The following HS3ST2 variants were observed in gnomAD, a reference collection of about 807,000 sequenced individuals.
The protein encoded by HS3ST2 is heparan sulfate glucosamine 3-O-sulfotransferase 2.
A neutral mutation model predicts 26.3 loss-of-function variants in HS3ST2; 17 were observed. The observed-to-expected ratio is 0.65, with a 90% CI of 0.44 to 0.97. HS3ST2 has a LOEUF of 0.97. Among genes scored for constraint, HS3ST2 ranks in the 50% least tolerant of loss-of-function variants. The pLI is 0.00. For synonymous variants in HS3ST2, 237 were observed against 219.2 expected, an observed-to-expected ratio of 1.08 and a Z score of -0.72; for missense variants, 402 against 501.2, an observed-to-expected ratio of 0.80 and a Z score of 1.89.
chr16:22,904,577 G>A (rs559747763), intron 1 of HS3ST2, among the ~76,000 whole-genome samples: 11 of 152,320 alleles, frequency 7.2e-5, no homozygotes, highest in African/African-American at 2.2e-4. Flanking sequence ...TGGAGGTGAC[G>A]ATGAGCTGAG....
chr16:22,846,062 G>C (rs1901426905), intron 1 of HS3ST2, among the ~76,000 whole-genome samples: 1 of 152,168 alleles, frequency 6.6e-6, no homozygotes, highest in Admixed American at 6.5e-5. Flanking sequence ...TGGATCACCT[G>C]AGGTCAGGAG....
At chr16:22,877,853 C>T (rs1202408983) in intron 1 of HS3ST2, among the ~76,000 whole-genome samples, 3 of 152,124 alleles carry the variant, frequency 2.0e-5, no homozygotes, top group East Asian at 1.9e-4. Flanking sequence ...ACGGGTATTA[C>T]AAGGTATTCA....
At chr16:22,893,502 G>T (rs1195279436) in intron 1 of HS3ST2, among the ~76,000 whole-genome samples, 1 of 151,896 alleles carries the variant, frequency 6.6e-6, no homozygotes, top group Non-Finnish European at 1.5e-5. Flanking sequence ...TTTACTAAGT[G>T]CTTTTTCAGA....
At chr16:22,872,245 T>C (rs1265611771) in intron 1 of HS3ST2, among the ~76,000 whole-genome samples, 1 of 152,218 alleles carries the variant, frequency 6.6e-6, no homozygotes, top group East Asian at 1.9e-4. Flanking sequence ...GCCTTTCTCT[T>C]CTCATATCAA....
chr16:22,911,776 CCTTAA>C (rs1244094227), intron 1 of HS3ST2, among the ~76,000 whole-genome samples: 5 of 152,148 alleles, frequency 3.3e-5, no homozygotes, highest in South Asian at 2.1e-4. Flanking sequence ...ATATGCAAGT[CCTTAA>C]CTTAATTACA....
At chr16:22,825,965 G>A (rs1228840523) in intron 1 of HS3ST2, among the ~76,000 whole-genome samples, 2 of 152,168 alleles carry the variant, frequency 1.3e-5, no homozygotes, top group African/African-American at 4.8e-5. Flanking sequence ...AGAGGTTGCA[G>A]TGAGCCGAAA....
chr16:22,871,348 C>T (rs1358779254), intron 1 of HS3ST2, among the ~76,000 whole-genome samples: 9 of 117,166 alleles, frequency 7.7e-5, no homozygotes, highest in Non-Finnish European at 1.5e-4. Context: ...GAGCGACACT[C>T]TGTTTCAAAA....
intron 1 of HS3ST2, among the ~76,000 whole-genome samples, chr16:22,854,074 G>A (rs2141186716): frequency 6.6e-6 from 1 of 152,314 alleles, no homozygotes; most frequent in East Asian, 1.9e-4. Context: ...TGTAGAATGT[G>A]GGTATTGAAC....
chr16:22,830,497 G>C (rs1901153146), intron 1 of HS3ST2, among the ~76,000 whole-genome samples: 1 of 152,208 alleles, frequency 6.6e-6, no homozygotes, highest in African/African-American at 2.4e-5. Context: ...GGAACATTGG[G>C]ATGGTGGGAC....
chr16:22,835,372 A>G (rs541810902), intron 1 of HS3ST2, among the ~76,000 whole-genome samples: 36 of 152,276 alleles, frequency 2.4e-4, no homozygotes, highest in African/African-American at 7.9e-4. Context: ...AGAGTAACTT[A>G]GAGAACGACT....
chr16:22,867,798 T>A (rs1335101136), intron 1 of HS3ST2, among the ~76,000 whole-genome samples: 23 of 152,236 alleles, frequency 1.5e-4, no homozygotes, highest in Admixed American at 1.5e-3. Flanking sequence ...ATCCAGGGTA[T>A]GTTTTTAGAA....
At chr16:22,865,040 ACCCTATCTC>A (rs1901731197) in intron 1 of HS3ST2, among the ~76,000 whole-genome samples, 1 of 125,990 alleles carries the variant, frequency 7.9e-6, no homozygotes, top group African/African-American at 3.2e-5. Context: ...GACGAGTAAG[ACCCTATCTC>A]AAAAAAAAAA....
At chr16:22,912,327 G>A (rs1298900739) in intron 1 of HS3ST2, among the ~76,000 whole-genome samples, 1 of 152,202 alleles carries the variant, frequency 6.6e-6, no homozygotes, top group Non-Finnish European at 1.5e-5. Context: ...AATACTTGGA[G>A]TGTCAAAGGT....
intron 1 of HS3ST2, among the ~76,000 whole-genome samples, chr16:22,835,501 C>T (rs1442742671): frequency 6.6e-6 from 1 of 152,094 alleles, no homozygotes; most frequent in Non-Finnish European, 1.5e-5. Context: ...ATAGTTTAAA[C>T]AGGTAAATCA....
intron 1 of HS3ST2, among the ~76,000 whole-genome samples, chr16:22,860,813 C>T (rs1901663262): frequency 1.3e-5 from 2 of 150,796 alleles, no homozygotes; most frequent in Non-Finnish European, 1.5e-5. Context: ...TATTTAACAT[C>T]TTACAATATA....
At position 22,915,918 on chromosome 16, in the gene HS3ST2, G is replaced by GCAGT. The variant is rs1449145555; in HGVS notation, c.*358_*361dup. ...TGATGGTTCTGTTGCTATGAACACA[G>GCAGT]CAGTCGGTCCCTGTCATTGTCCACC... On this transcript the variant is annotated 3_prime_UTR_variant, in exon 2 of 2. Transcript: ENST00000261374. 2 of 228,160 alleles carry GCAGT rather than the reference G, an allele frequency of 8.8e-6. No homozygotes were observed. The highest frequency in any genetic ancestry group is 1.7e-5 in the Non-Finnish European group (2 of 116,228). 14.1% of individuals were successfully genotyped at this position (228,160 alleles called of 1,614,324 possible).
At chr16:22,861,292 T>C (rs1385651753) in intron 1 of HS3ST2, among the ~76,000 whole-genome samples, 1 of 151,988 alleles carries the variant, frequency 6.6e-6, no homozygotes, top group Non-Finnish European at 1.5e-5. Context: ...TCTACACTTG[T>C]GGGCCCATCT....
In HS3ST2 at chr16:22,814,565, G is replaced by A; in HGVS notation, c.-46G>A. On this transcript the variant is annotated 5_prime_UTR_variant, in exon 1 of 2. Transcript: ENST00000261374. ...GCAGGGCCACAGCAGCTCAGCCGCC[G>A]GTGCCCCCTCGGAAACCATGACCCC... 6.8e-7 allele frequency: 1 copy of A among 1,467,614 alleles called. No homozygotes were observed. Among genetic ancestry groups the A allele is most frequent in the Non-Finnish European group, 9.0e-7 (1 of 1,116,962 alleles). The allele number at this position is 1,467,614 out of a possible 1,614,324, so 90.9% of individuals were successfully genotyped here. A position where few individuals can be genotyped will look rare whatever the true frequency, so the allele number is the denominator to read the frequency against.
intron 1 of HS3ST2, among the ~76,000 whole-genome samples, chr16:22,844,042 C>T (rs1901397847): frequency 6.6e-6 from 1 of 152,058 alleles, no homozygotes; most frequent in Non-Finnish European, 1.5e-5. Context: ...CACACGCACA[C>T]ACACACATAT....
Sources: allele counts gnomAD v4.1 joint callset (sites outside exome capture counted in the v4.1 genomes callset), GRCh38; gene constraint gnomAD v4.1.1; transcripts MANE v1.5; gene names NCBI Gene and HGNC (gene_info 2026-07-23, HGNC 2026-07-21).